Variants in PTPRT observed in about 807,000 individuals in gnomAD.
PTPRT encodes receptor-type tyrosine-protein phosphatase T.
A neutral mutation model predicts 176.8 loss-of-function variants in PTPRT; 56 were observed. That is an observed-to-expected ratio of 0.32 (90% confidence interval 0.26 to 0.40). The LOEUF (loss-of-function observed/expected upper bound fraction) is 0.40. Ranked by LOEUF, PTPRT falls within the 10% of genes least tolerant of loss-of-function variation. PTPRT has a pLI of 1.00. For missense variants in PTPRT, 1,540 were observed against 1,908.2 expected (o/e 0.81, Z 3.60); for synonymous variants, 783 against 739.0 (o/e 1.06, Z -0.96).
intron 7 of PTPRT, among the ~76,000 whole-genome samples, chr20:42,506,216 ACATTT>A (rs1283703818): frequency 6.6e-6 from 1 of 152,186 alleles, no homozygotes; most frequent in African/African-American, 2.4e-5. Context: ...ATGTATACAT[ACATTT>A]ATCAATAAGT....
At chr20:42,703,605 A>C (rs765085707) in intron 6 of PTPRT, among the ~76,000 whole-genome samples, 1 of 152,144 alleles carries the variant, frequency 6.6e-6, no homozygotes, top group East Asian at 1.9e-4. Flanking sequence ...GGTTTTATTT[A>C]TTAAACCTCA....
chr20:43,036,615 C>T (rs1465189331), intron 1 of PTPRT, among the ~76,000 whole-genome samples: 7 of 152,038 alleles, frequency 4.6e-5, no homozygotes, highest in Non-Finnish European at 8.8e-5. Context: ...CTACAGCTCA[C>T]AATGGAATAA....
chr20:42,817,696 G>A (rs1463882502), intron 2 of PTPRT, among the ~76,000 whole-genome samples: 1 of 152,180 alleles, frequency 6.6e-6, no homozygotes, highest in Admixed American at 6.5e-5. Flanking sequence ...GAGCCAGGGA[G>A]GCTGGAGGGC....
intron 1 of PTPRT, among the ~76,000 whole-genome samples, chr20:42,898,099 C>T (rs1420629021): frequency 1.3e-5 from 2 of 152,222 alleles, no homozygotes; most frequent in African/African-American, 4.8e-5. Flanking sequence ...GAAATCCCAG[C>T]TTCTGTCACC....
At chr20:42,303,958 T>C (rs1256373020) in intron 12 of PTPRT, among the ~76,000 whole-genome samples, 3 of 152,230 alleles carry the variant, frequency 2.0e-5, no homozygotes, top group Non-Finnish European at 4.4e-5. Flanking sequence ...CAGTGTCTTG[T>C]ACATATGGTT....
At chr20:42,949,887 CT>C (rs1169926525) in intron 1 of PTPRT, among the ~76,000 whole-genome samples, 4 of 152,174 alleles carry the variant, frequency 2.6e-5, no homozygotes, top group Non-Finnish European at 5.9e-5. Context: ...GTCTTTCTCC[CT>C]TACCATACCT....
rs76317720 is a variant in PTPRT, at chr20:42,535,969, C to G, written c.1154-63407G>C. 1.1e-3 allele frequency among the ~76,000 whole-genome samples: 162 copies of G among 152,226 alleles called. 1 individual carries two copies. In the East Asian group the frequency reaches 0.026, roughly 25 times the overall value. On this transcript the variant is annotated intron_variant, in intron 7 of 30. Coordinates refer to ENST00000373187, the MANE Select transcript of PTPRT (RefSeq NM_007050.6). Reference sequence around the variant, plus strand: ...ATAAACTGCATATACAGATAACTACCCTGTCTATTAATAGGAAGCTTATGA... The same window carrying G: ...ATAAACTGCATATACAGATAACTACGCTGTCTATTAATAGGAAGCTTATGA...
At chr20:42,744,960 T>C (rs2076670882) in intron 6 of PTPRT, among the ~76,000 whole-genome samples, 1 of 152,200 alleles carries the variant, frequency 6.6e-6, no homozygotes, top group South Asian at 2.1e-4. Flanking sequence ...CTTTATCCTA[T>C]GGAAGGGAGG....
intron 7 of PTPRT, among the ~76,000 whole-genome samples, chr20:42,646,681 C>T (rs2074907582): frequency 6.6e-6 from 1 of 152,052 alleles, no homozygotes; most frequent in African/African-American, 2.4e-5. Flanking sequence ...ACACTGCCAT[C>T]TTCACAGGAA....
chr20:43,167,329 C>T (rs751912390), intron 1 of PTPRT, among the ~76,000 whole-genome samples: 7 of 152,154 alleles, frequency 4.6e-5, no homozygotes, highest in Non-Finnish European at 7.4e-5. Context: ...CAGATCAAAT[C>T]TATCAGAATT....
rs1555798026 is a variant in PTPRT at position 42,184,614 on chromosome 20, T to TCTCCTCCTC, written c.2491+14625_2491+14626insGAGGAGGAG. Among the ~76,000 whole-genome samples, 5 of 142,672 alleles carry TCTCCTCCTC rather than the reference T, an allele frequency of 3.5e-5. No individual in the cohort carries two copies. In the South Asian group the frequency reaches 6.8e-4, roughly 20 times the overall value. 93.6% of individuals were successfully genotyped at this position (142,672 alleles called of 152,430 possible). On this transcript the variant is annotated intron_variant, in intron 16 of 30. Coordinates refer to ENST00000373187, the MANE Select transcript of PTPRT (RefSeq NM_007050.6). ...TTCTTCCTCTTCTTCTTCTTCTTCTTCTCCTCCTTCTTCTCCTTCTCTCTC... is the reference window on the plus strand; with the variant it reads ...TTCTTCCTCTTCTTCTTCTTCTTCTTCTCCTCCTCCTCCTCCTTCTTCTCCTTCTCTCTC...
At chr20:43,163,573 G>C (rs1039234152) in intron 1 of PTPRT, among the ~76,000 whole-genome samples, 6 of 152,080 alleles carry the variant, frequency 3.9e-5, no homozygotes, top group African/African-American at 9.6e-5. Context: ...AGGAGGCAGA[G>C]CTTGCAGTGA....
chr20:42,633,795 ATATATATATATATAT>A (rs1360635025), intron 7 of PTPRT, among the ~76,000 whole-genome samples: 4 of 60,928 alleles, frequency 6.6e-5, no homozygotes, highest in African/African-American at 3.7e-4. Flanking sequence ...ATATATATAT[ATATATATATATATAT>A]ATATATATAA....
At chr20:43,069,172 C>A (rs1281221191) in intron 1 of PTPRT, among the ~76,000 whole-genome samples, 6 of 152,210 alleles carry the variant, frequency 3.9e-5, no homozygotes, top group African/African-American at 1.4e-4. Flanking sequence ...GGCCCTAGGT[C>A]CAAAGGCTGA....
intron 1 of PTPRT, chr20:43,063,609 G>GCT (rs1987558412): frequency 6.6e-6 from 1 of 152,250 alleles, no homozygotes; most frequent in Admixed American, 6.5e-5. Context: ...ATTCCAGTGT[G>GCT]CTCTCGGTCT....
intron 1 of PTPRT, among the ~76,000 whole-genome samples, chr20:42,915,267 C>T (rs937798836): frequency 6.6e-6 from 1 of 152,210 alleles, no homozygotes; most frequent in Admixed American, 6.5e-5. Context: ...GTTTGAGGCA[C>T]GGCTTAGAGA....
rs530524826 is a variant in PTPRT, at chr20:42,981,842, T to C, written c.89-95910A>G. On this transcript the variant is annotated intron_variant, in intron 1 of 30. Transcript: ENST00000373187. Reference sequence around the variant, plus strand: ...ACTGCATTTATGTTCATTTCCTTTTTCCCTTTTCTAATGGATGGCTTTGGG... The same window carrying C: ...ACTGCATTTATGTTCATTTCCTTTTCCCCTTTTCTAATGGATGGCTTTGGG... 3.3e-5 allele frequency among the ~76,000 whole-genome samples: 5 copies of C among 152,326 alleles called. No individual in the cohort carries two copies. The South Asian group carries it at 1.0e-3, about 32-fold the overall frequency.
At chr20:42,576,589 C>T (rs1455757390) in intron 7 of PTPRT, among the ~76,000 whole-genome samples, 1 of 152,154 alleles carries the variant, frequency 6.6e-6, no homozygotes, top group Non-Finnish European at 1.5e-5. Flanking sequence ...GGATGGCTTT[C>T]TGCCCCAGAG....
intron 11 of PTPRT, among the ~76,000 whole-genome samples, chr20:42,348,403 T>TTTATTTAC (rs1453528149): frequency 6.6e-6 from 1 of 151,794 alleles, no homozygotes; most frequent in African/African-American, 2.4e-5. Context: ...TATTTATTTA[T>TTTATTTAC]TTTTGGATAA....
Sources: allele counts gnomAD v4.1 joint callset (sites outside exome capture counted in the v4.1 genomes callset), GRCh38; gene constraint gnomAD v4.1.1; transcripts MANE v1.5; gene names NCBI Gene and HGNC (gene_info 2026-07-23, HGNC 2026-07-21).